TRIO: variants seen among roughly 807,000 people sequenced by gnomAD.
The protein encoded by TRIO is triple functional domain protein.
Under a neutral mutation model 351.9 loss-of-function variants are expected in TRIO, and 58 were observed. That is an observed-to-expected ratio of 0.16 (90% CI 0.13 to 0.21). The LOEUF (loss-of-function observed/expected upper bound fraction) is 0.21, where lower values mean the gene tolerates loss of function less well. Among genes scored for constraint, TRIO ranks in the 10% least tolerant of loss-of-function variants. The pLI, the probability that TRIO is intolerant of heterozygous loss-of-function variation, is 1.00. For synonymous variants in TRIO, 1,758 were observed against 1,595.7 expected (o/e 1.10, Z -2.42); for missense variants, 3,201 against 4,027.8 (o/e 0.79, Z 5.56).
At chr5:14,292,151 G>A (rs555579806) in intron 5 of TRIO, among the ~76,000 whole-genome samples, 1 of 152,306 alleles carries the variant, frequency 6.6e-6, no homozygotes, top group South Asian at 2.1e-4. Context: ...AGAATATTTT[G>A]TAAAGTAAAA....
intron 2 of TRIO, among the ~76,000 whole-genome samples, chr5:14,276,999 A>T (rs1735576225): frequency 6.6e-6 from 1 of 152,216 alleles, no homozygotes; most frequent in Admixed American, 6.5e-5. Flanking sequence ...CATCCACAGG[A>T]TATCCATCAG....
At chr5:14,297,039 C>T in intron 6 of TRIO, 33 bp from the exon 7 acceptor site, 2 of 1,591,204 alleles carry the variant, frequency 1.3e-6, no homozygotes, top group Non-Finnish European at 1.7e-6. Flanking sequence ...TTGCTCTCCC[C>T]TAAGGAGCCC....
rs552243015 is a variant in TRIO at position 14,316,447 on chromosome 5, G to A, written c.1501-66G>A. The A allele has an allele frequency of 1.6e-3, 2,493 of 1,529,352 alleles. 9 individuals carry two copies. Among genetic ancestry groups the A allele is most frequent in the Non-Finnish European group, 1.7e-3 (1,918 of 1,115,224 alleles). 94.7% of individuals were successfully genotyped at this position (1,529,352 alleles called of 1,614,324 possible). On this transcript the variant is annotated intron_variant, in intron 8 of 56. Coordinates refer to ENST00000344204, the MANE Select transcript of TRIO (RefSeq NM_007118.4). ...GTGCACACACATGTATCCAAGGACA[G>A]CATCTGTGGCACAGCCTAGGCCAAA...
intron 49 of TRIO, among the ~76,000 whole-genome samples, chr5:14,493,749 G>A (rs1030176002): frequency 2.6e-5 from 4 of 152,236 alleles, no homozygotes; most frequent in African/African-American, 9.6e-5. Flanking sequence ...AGTGGATATA[G>A]GCCGAAAGCT....
chr5:14,279,267 T>C (rs575664556), intron 2 of TRIO, among the ~76,000 whole-genome samples: 1 of 152,260 alleles, frequency 6.6e-6, no homozygotes, highest in African/African-American at 2.4e-5. Flanking sequence ...TATGAAGTTA[T>C]GAAAACCATA....
chr5:14,377,785 G>A (rs1184919670), intron 19 of TRIO, among the ~76,000 whole-genome samples: 1 of 152,094 alleles, frequency 6.6e-6, no homozygotes. Flanking sequence ...ACAGACTGAC[G>A]TTAAATTTCC....
chr5:14,488,277 G>T lies in TRIO; in HGVS notation c.7632+17G>T, dbSNP rs760638703. On this transcript the variant is annotated intron_variant, in intron 48 of 56. Coordinates refer to ENST00000344204, the MANE Select transcript of TRIO (RefSeq NM_007118.4). ...AGCAACGGGGTAAGCGCGTCGGGGGGCCCGCGCCCTCCCGCCCCCCTGCCT... is the reference window on the plus strand; with the variant it reads ...AGCAACGGGGTAAGCGCGTCGGGGGTCCCGCGCCCTCCCGCCCCCCTGCCT... 3.3e-6 allele frequency: 5 copies of T among 1,538,374 alleles called. No homozygotes were observed. The highest frequency in any genetic ancestry group is 1.9e-5 in the Admixed American group (1 of 52,144).
chr5:14,409,311 C>A (rs1478651779), intron 33 of TRIO, among the ~76,000 whole-genome samples: 4 of 148,528 alleles, frequency 2.7e-5, no homozygotes, highest in African/African-American at 7.5e-5. Context: ...ACTGGGAATA[C>A]AGCAAATTAT....
intron 34 of TRIO, among the ~76,000 whole-genome samples, chr5:14,427,372 G>T (rs1431899024): frequency 6.6e-6 from 1 of 152,162 alleles, no homozygotes; most frequent in African/African-American, 2.4e-5. Flanking sequence ...CACAGAGTTT[G>T]CAGATGATGG....
intron 1 of TRIO, among the ~76,000 whole-genome samples, chr5:14,207,913 G>A (rs1456836681): frequency 6.6e-6 from 1 of 152,098 alleles, no homozygotes; most frequent in Admixed American, 6.5e-5. Flanking sequence ...CACATCAGAA[G>A]ATGTTCAATA....
intron 56 of TRIO, 55 bp downstream of exon 56, chr5:14,507,315 G>A: frequency 6.3e-7 from 1 of 1,596,898 alleles, no homozygotes; most frequent in East Asian, 2.2e-5. Context: ...GCTTGGCCAT[G>A]CGGGACACAG....
intron 36 of TRIO, among the ~76,000 whole-genome samples, chr5:14,463,156 G>A (rs908343492): frequency 3.9e-5 from 6 of 152,216 alleles, no homozygotes; most frequent in African/African-American, 1.2e-4. Flanking sequence ...TTACACATGT[G>A]GCTCAATGCA....
intron 19 of TRIO, among the ~76,000 whole-genome samples, chr5:14,374,841 C>A (rs1028193221): frequency 1.3e-5 from 2 of 151,330 alleles, no homozygotes; most frequent in Non-Finnish European, 2.9e-5. Context: ...CCTGTAAAAC[C>A]GTGTTTGTGT....
chr5:14,224,181 A>T (rs1792832668), intron 1 of TRIO, among the ~76,000 whole-genome samples: 1 of 152,010 alleles, frequency 6.6e-6, no homozygotes, highest in African/African-American at 2.4e-5. Context: ...TTATTATATT[A>T]TTATTATTTT....
At chr5:14,148,543 A>G (rs1415590561) in intron 1 of TRIO, among the ~76,000 whole-genome samples, 4 of 152,232 alleles carry the variant, frequency 2.6e-5, no homozygotes, top group African/African-American at 7.2e-5. Flanking sequence ...TACAAAAAGC[A>G]GTGATAACAC....
chr5:14,462,958 C>T (rs754602967), intron 36 of TRIO, 33 bp downstream of exon 36: 10 of 1,532,844 alleles, frequency 6.5e-6, no homozygotes, highest in Non-Finnish European at 6.1e-6. Flanking sequence ...GAATCCATGC[C>T]TGCCGTGCAG....
intron 1 of TRIO, among the ~76,000 whole-genome samples, chr5:14,195,706 T>A (rs1258055264): frequency 6.6e-6 from 1 of 152,208 alleles, no homozygotes; most frequent in Non-Finnish European, 1.5e-5. Flanking sequence ...CCCTTCTCAT[T>A]GACTTAATTG....
rs1449179947 is a variant in TRIO at position 14,207,328 on chromosome 5, A to T, written c.157+63446A>T. Among the ~76,000 whole-genome samples, 13 of 57,568 alleles carry T rather than the reference A, an allele frequency of 2.3e-4. 2 individuals are homozygous for T. The highest frequency in any genetic ancestry group is 5.5e-4 in the Admixed American group (3 of 5,472). The allele number at this position is 57,568 out of a possible 152,430, so 37.8% of individuals were successfully genotyped here. On this transcript the variant is annotated intron_variant, in intron 1 of 56. Transcript: ENST00000344204. ...TAGCAAGACTGTCTCTCACACACAC[A>T]CACACACACACACACACACACACAC...
rs1412047851 is a variant in TRIO at position 14,336,804 on chromosome 5, T to G, written c.2046+77T>G. On this transcript the variant is annotated intron_variant, in intron 11 of 56. Coordinates refer to ENST00000344204, the MANE Select transcript of TRIO (RefSeq NM_007118.4). ...CTCTTTTGGAGGAACCTAAATTTAG[T>G]CATAATGTGAGAAAGTGGACAAAGG... 4 of 1,503,774 alleles carry G rather than the reference T, an allele frequency of 2.7e-6. No homozygotes were observed. In the South Asian group the frequency reaches 4.8e-5, roughly 18 times the overall value. The allele number at this position is 1,503,774 out of a possible 1,614,324, so 93.2% of individuals were successfully genotyped here.
Sources: allele counts gnomAD v4.1 joint callset (sites outside exome capture counted in the v4.1 genomes callset), GRCh38; gene constraint gnomAD v4.1.1; transcripts MANE v1.5; gene names NCBI Gene and HGNC (gene_info 2026-07-23, HGNC 2026-07-21).